Variants in SLC25A21 observed in about 807,000 individuals in gnomAD.
The protein encoded by SLC25A21 is solute carrier family 25 member 21, also known as mitochondrial 2-oxodicarboxylate carrier.
In SLC25A21, 47 loss-of-function variants were observed where a neutral mutation model predicts 43.8. That is an observed-to-expected ratio of 1.07 (90% CI 0.85 to 1.37). The LOEUF (loss-of-function observed/expected upper bound fraction) is 1.37, where lower values mean the gene tolerates loss of function less well. SLC25A21 is among the 40% of genes most tolerant of loss of function. SLC25A21 has a pLI of 0.00. For synonymous variants in SLC25A21, 131 were observed against 121.3 expected (o/e 1.08, Z -0.52); for missense variants, 352 against 350.2 (o/e 1.00, Z -0.04).
At chr14:36,868,455 G>A (rs1450518547) in intron 2 of SLC25A21, among the ~76,000 whole-genome samples, 3 of 152,138 alleles carry the variant, frequency 2.0e-5, no homozygotes, top group Non-Finnish European at 2.9e-5. Flanking sequence ...CTTGTCATGC[G>A]GCTGGCCTCT....
chr14:36,721,597 T>C (rs1884376075), intron 6 of SLC25A21, among the ~76,000 whole-genome samples: 1 of 152,232 alleles, frequency 6.6e-6, no homozygotes, highest in African/African-American at 2.4e-5. Context: ...ACAGCTCTGA[T>C]TGTATATGCT....
intron 1 of SLC25A21, among the ~76,000 whole-genome samples, chr14:37,122,638 A>T (rs1161965811): frequency 5.6e-5 from 1 of 17,968 alleles, no homozygotes; most frequent in African/African-American, 1.0e-4. Context: ...AATACGATAT[A>T]GTATGAGTAC....
intron 3 of SLC25A21, among the ~76,000 whole-genome samples, chr14:36,769,054 G>A (rs1456654226): frequency 6.6e-6 from 1 of 151,796 alleles, no homozygotes; most frequent in Non-Finnish European, 1.5e-5. Context: ...TCTTTATACT[G>A]CCTTCACAAA....
At chr14:36,988,267 T>A (rs1960189166) in intron 1 of SLC25A21, among the ~76,000 whole-genome samples, 1 of 152,226 alleles carries the variant, frequency 6.6e-6, no homozygotes, top group Non-Finnish European at 1.5e-5. Context: ...TGAAAGTGCC[T>A]GATATTTTTC....
intron 1 of SLC25A21, among the ~76,000 whole-genome samples, chr14:36,921,277 C>T (rs1891973952): frequency 6.6e-6 from 1 of 152,040 alleles, no homozygotes; most frequent in Non-Finnish European, 1.5e-5. Flanking sequence ...ATATTAGTAC[C>T]TATGATTTTA....
chr14:37,086,470 T>C (rs975861182), intron 1 of SLC25A21, among the ~76,000 whole-genome samples: 13 of 152,172 alleles, frequency 8.5e-5, no homozygotes, highest in South Asian at 4.1e-4. Context: ...CTTTGGAACA[T>C]TGTTCCAAAG....
intron 1 of SLC25A21, among the ~76,000 whole-genome samples, chr14:37,059,026 A>T (rs1961888940): frequency 6.6e-6 from 1 of 152,176 alleles, no homozygotes; most frequent in Non-Finnish European, 1.5e-5. Context: ...TTCTAACTTA[A>T]ATGCACCTAT....
At chr14:36,848,334 C>G (rs1594637895) in intron 2 of SLC25A21, among the ~76,000 whole-genome samples, 1 of 152,164 alleles carries the variant, frequency 6.6e-6, no homozygotes, top group African/African-American at 2.4e-5. Flanking sequence ...TCCATACTGT[C>G]AAGGCTCAGA....
chr14:37,056,693 C>A (rs922674410), intron 1 of SLC25A21, among the ~76,000 whole-genome samples: 1 of 152,176 alleles, frequency 6.6e-6, no homozygotes, highest in Middle Eastern at 3.4e-3. Flanking sequence ...CTGCTGTGCA[C>A]TGACCTCCAA....
rs1229046420 is a variant in SLC25A21, at chr14:36,678,326, CT to C, written c.*2331del. 2 of 651,776 alleles carry C rather than the reference CT, an allele frequency of 3.1e-6. No homozygotes were observed. Among genetic ancestry groups the C allele is most frequent in the Non-Finnish European group, 5.3e-6 (2 of 375,988 alleles). 40.4% of individuals were successfully genotyped at this position (651,776 alleles called of 1,614,324 possible). ...CAGACAGCAGATATCTTATAGAGAGCTTTGAACTGCATTTATTTCTAAAGCA... is the reference window on the plus strand; with the variant it reads ...CAGACAGCAGATATCTTATAGAGAGCTTGAACTGCATTTATTTCTAAAGCA... On this transcript the variant is annotated 3_prime_UTR_variant, in exon 10 of 10. Coordinates refer to ENST00000331299, the MANE Select transcript of SLC25A21 (RefSeq NM_030631.4).
intron 6 of SLC25A21, among the ~76,000 whole-genome samples, chr14:36,723,257 G>C (rs370291832): frequency 1.3e-5 from 2 of 152,192 alleles, no homozygotes; most frequent in East Asian, 3.8e-4. Flanking sequence ...TGTCTGTTGA[G>C]TAAAAGCACC....
intron 2 of SLC25A21, among the ~76,000 whole-genome samples, chr14:36,865,160 T>A (rs1890179135): frequency 6.6e-6 from 1 of 152,058 alleles, no homozygotes; most frequent in African/African-American, 2.4e-5. Context: ...TCAAGGCTGT[T>A]TCCCCTCCTC....
At chr14:36,985,187 GA>G (rs888405228) in intron 1 of SLC25A21, among the ~76,000 whole-genome samples, 5 of 136,014 alleles carry the variant, frequency 3.7e-5, no homozygotes, top group African/African-American at 1.3e-4. Flanking sequence ...GGGATGGGGG[GA>G]GGGGGGAGGG....
intron 1 of SLC25A21, among the ~76,000 whole-genome samples, chr14:37,153,294 A>G (rs529944888): frequency 7.9e-5 from 12 of 152,244 alleles, no homozygotes; most frequent in Non-Finnish European, 1.5e-4. Flanking sequence ...CCTTCAGGCC[A>G]GCAGCACCAA....
intron 3 of SLC25A21, among the ~76,000 whole-genome samples, chr14:36,745,226 C>A (rs968070728): frequency 1.3e-5 from 2 of 152,072 alleles, no homozygotes; most frequent in Admixed American, 1.3e-4. Flanking sequence ...GCCACATTTT[C>A]TTTATCCAGT....
intron 3 of SLC25A21, among the ~76,000 whole-genome samples, chr14:36,756,599 G>T (rs1172938109): frequency 6.6e-6 from 1 of 152,122 alleles, no homozygotes; most frequent in Non-Finnish European, 1.5e-5. Context: ...ATTTCCCTTG[G>T]CACCCTTGGG....
intron 3 of SLC25A21, among the ~76,000 whole-genome samples, chr14:36,749,501 T>G (rs1003581648): frequency 6.6e-6 from 1 of 152,184 alleles, no homozygotes; most frequent in Non-Finnish European, 1.5e-5. Context: ...AAATAAAAAA[T>G]GGCTCATGTC....
intron 9 of SLC25A21, among the ~76,000 whole-genome samples, chr14:36,682,079 T>C (rs1016054412): frequency 9.2e-5 from 14 of 152,218 alleles, no homozygotes; most frequent in African/African-American, 3.1e-4. Flanking sequence ...CTGCTAAGGC[T>C]ATTGTAAAAA....
intron 3 of SLC25A21, among the ~76,000 whole-genome samples, chr14:36,797,008 T>C (rs1308253859): frequency 6.6e-6 from 1 of 152,100 alleles, no homozygotes; most frequent in Non-Finnish European, 1.5e-5. Flanking sequence ...GATCAGGAGA[T>C]GGGTTAAGGT....
Sources: gnomAD v4.1 joint callset for allele counts (sites outside exome capture counted in the v4.1 genomes callset) on GRCh38, gnomAD v4.1.1 for gene constraint, MANE v1.5 for transcripts, NCBI Gene and HGNC (gene_info 2026-07-23, HGNC 2026-07-21) for gene names.